Variants in OPRD1 observed in about 807,000 individuals in gnomAD.
OPRD1 encodes delta-type opioid receptor.
Under a neutral mutation model 17.5 loss-of-function variants are expected in OPRD1, and 19 were observed. The observed-to-expected ratio is 1.09, with a 90% CI of 0.76 to 1.60. The LOEUF (loss-of-function observed/expected upper bound fraction) is 1.60. Ranked by LOEUF, OPRD1 falls within the 40% of genes most tolerant of loss-of-function variation. The pLI is 0.00. For synonymous variants in OPRD1, 256 were observed against 240.9 expected (o/e 1.06, Z -0.58); for missense variants, 483 against 547.2 (o/e 0.88, Z 1.17).
chr1:28,854,331 TTCC>T (rs1371890079), intron 1 of OPRD1, among the ~76,000 whole-genome samples: 5 of 151,910 alleles, frequency 3.3e-5, no homozygotes, highest in African/African-American at 1.2e-4. Flanking sequence ...GGATCAAGTG[TTCC>T]TCCTTCCTCT....
chr1:28,839,663 A>G (rs2088879866), intron 1 of OPRD1, among the ~76,000 whole-genome samples: 1 of 152,104 alleles, frequency 6.6e-6, no homozygotes, highest in Non-Finnish European at 1.5e-5. Flanking sequence ...TCTTGCCCCC[A>G]CCTTGAACTC....
intron 1 of OPRD1, among the ~76,000 whole-genome samples, chr1:28,827,902 T>A (rs961608884): frequency 3.9e-5 from 6 of 152,038 alleles, no homozygotes; most frequent in South Asian, 2.1e-4. Context: ...TTTATTTATT[T>A]TTTATTTTTA....
Position 28,869,547 on chromosome 1 carries a change from T to G in OPRD1, c.*6264T>G, listed in dbSNP as rs2089200085. 2 of 152,248 alleles carry G rather than the reference T, an allele frequency of 1.3e-5. No individual in the cohort carries two copies. The highest frequency in any genetic ancestry group is 1.3e-4 in the Admixed American group (2 of 15,272). 9.4% of individuals were successfully genotyped at this position (152,248 alleles called of 1,614,324 possible). On this transcript the variant is annotated 3_prime_UTR_variant, in exon 3 of 3. Transcript: ENST00000234961. The stretch of plus-strand genomic sequence containing the variant: ...TCATTTAATCTTCACAGCATGATGA[T>G]GAGGTAGGCATAGTATCATTACCTC...
intron 1 of OPRD1, among the ~76,000 whole-genome samples, chr1:28,815,200 C>T (rs2088663275): frequency 6.6e-6 from 1 of 152,274 alleles, no homozygotes; most frequent in South Asian, 2.1e-4. Flanking sequence ...GCAACCTCGA[C>T]CTCCTGGGCT....
intron 1 of OPRD1, among the ~76,000 whole-genome samples, chr1:28,858,123 T>C (rs2089074968): frequency 6.9e-6 from 1 of 145,190 alleles, no homozygotes; most frequent in Non-Finnish European, 1.5e-5. Flanking sequence ...TTCTTTTTTT[T>C]TTTTTTTGAG....
intron 1 of OPRD1, among the ~76,000 whole-genome samples, chr1:28,830,922 G>T (rs559792279): frequency 1.6e-4 from 25 of 152,358 alleles, no homozygotes; most frequent in Non-Finnish European, 2.5e-4. Context: ...TGATAATGAG[G>T]CCTTTTGGAT....
chr1:28,836,947 T>C (rs2124272334), intron 1 of OPRD1, among the ~76,000 whole-genome samples: 1 of 152,312 alleles, frequency 6.6e-6, no homozygotes, highest in South Asian at 2.1e-4. Context: ...GGAACGGGGA[T>C]AGTTTCAGGA....
chr1:28,858,316 G>A (rs1298111168), intron 1 of OPRD1, among the ~76,000 whole-genome samples: 4 of 138,202 alleles, frequency 2.9e-5, no homozygotes, highest in South Asian at 2.3e-4. Context: ...GGGTTTCACC[G>A]TGTTAGCCAG....
At position 28,812,819 on chromosome 1, in the gene OPRD1, G is replaced by T. The variant is rs144172914; in HGVS notation, c.227+209G>T. On this transcript the variant is annotated intron_variant, in intron 1 of 2. Transcript: ENST00000234961. ...GTGTGTATGTGTGTGTGTGGTGCGG[G>T]GGGGGGAGTGCGCCGCGGTTGACTA... Among the ~76,000 whole-genome samples, 554 of 152,330 alleles carry T rather than the reference G, an allele frequency of 3.6e-3. 3 individuals are homozygous for T. The highest frequency in any genetic ancestry group is 0.02 in the Middle Eastern group (6 of 294).
chr1:28,867,012 T>A lies in OPRD1; in HGVS notation c.*3729T>A, dbSNP rs1303708538. 1.1e-4 allele frequency: 16 copies of A among 151,410 alleles called. No homozygotes were observed. Among genetic ancestry groups the A allele is most frequent in the Admixed American group, 1.1e-3 (16 of 15,206 alleles). 9.4% of individuals were successfully genotyped at this position (151,410 alleles called of 1,614,324 possible). On this transcript the variant is annotated 3_prime_UTR_variant, in exon 3 of 3. Coordinates refer to ENST00000234961, the MANE Select transcript of OPRD1 (RefSeq NM_000911.4). ...TCTTCTTCTTCATCATCTTTTTTTT[T>A]TTTTTTTCAGCCAGTGTCTTGCTCT...
At chr1:28,815,118 C>T (rs528273302) in intron 1 of OPRD1, among the ~76,000 whole-genome samples, 2 of 152,156 alleles carry the variant, frequency 1.3e-5, no homozygotes, top group South Asian at 4.2e-4. Flanking sequence ...AGAATTCTGT[C>T]CCTCCTCTTT....
At chr1:28,857,238 T>C (rs2089064479) in intron 1 of OPRD1, among the ~76,000 whole-genome samples, 1 of 152,104 alleles carries the variant, frequency 6.6e-6, no homozygotes, top group African/African-American at 2.4e-5. Flanking sequence ...GCTTATTAAA[T>C]TTTCACAGCC....
intron 1 of OPRD1, among the ~76,000 whole-genome samples, chr1:28,858,581 T>C (rs12404612): frequency 0.095 from 14,160 of 149,802 alleles, 1,083 homozygotes; most frequent in East Asian, 0.44. Flanking sequence ...GCTTCGCTTT[T>C]ATCGCTCAGG....
intron 1 of OPRD1, among the ~76,000 whole-genome samples, chr1:28,852,188 AAAAG>A (rs1391251667): frequency 1.2e-4 from 18 of 146,808 alleles, no homozygotes; most frequent in East Asian, 1.0e-3. Flanking sequence ...AAAAAAAAAG[AAAAG>A]AAAGAAAGAA....
At chr1:28,822,196 G>A (rs1031580830) in intron 1 of OPRD1, among the ~76,000 whole-genome samples, 3 of 151,930 alleles carry the variant, frequency 2.0e-5, no homozygotes, top group Admixed American at 6.6e-5. Context: ...TGATCCGCCC[G>A]ACTCGTCCTC....
At chr1:28,832,063 C>CA (rs1164414511) in intron 1 of OPRD1, among the ~76,000 whole-genome samples, 1 of 152,114 alleles carries the variant, frequency 6.6e-6, no homozygotes, top group African/African-American at 2.4e-5. Flanking sequence ...CCTTGACTCT[C>CA]AGAGCTCAGA....
At chr1:28,839,325 C>G (rs2298897) in intron 1 of OPRD1, among the ~76,000 whole-genome samples, 43,744 of 152,004 alleles carry the variant, frequency 0.29, 6,575 homozygotes, top group Middle Eastern at 0.45. Flanking sequence ...CCCTGTGTGT[C>G]TCTTACAAGG....
chr1:28,835,760 C>T (rs2088846363), intron 1 of OPRD1, among the ~76,000 whole-genome samples: 1 of 152,194 alleles, frequency 6.6e-6, no homozygotes, highest in African/African-American at 2.4e-5. Flanking sequence ...ACTTGACCTG[C>T]AGCAGGGAGA....
chr1:28,840,559 G>T (rs1396232444), intron 1 of OPRD1, among the ~76,000 whole-genome samples: 1 of 152,160 alleles, frequency 6.6e-6, no homozygotes, highest in Non-Finnish European at 1.5e-5. Context: ...TCTGCAGCCT[G>T]GGGCAAGTCC....
Sources: gnomAD v4.1 joint callset for allele counts (sites outside exome capture counted in the v4.1 genomes callset) on GRCh38, gnomAD v4.1.1 for gene constraint, MANE v1.5 for transcripts, NCBI Gene and HGNC (gene_info 2026-07-23, HGNC 2026-07-21) for gene names.